CPNE5: variants seen among roughly 807,000 people sequenced by gnomAD.
CPNE5 encodes copine-5.
A neutral mutation model predicts 81.1 loss-of-function variants in CPNE5; 42 were observed. The observed-to-expected ratio is 0.52, with a 90% CI of 0.40 to 0.67. The LOEUF (loss-of-function observed/expected upper bound fraction) is 0.67. CPNE5 is among the 30% of genes least tolerant of loss of function. The pLI is 0.00. For missense variants in CPNE5, 612 were observed against 815.5 expected (o/e 0.75, Z 3.04); for synonymous variants, 313 against 321.5 (o/e 0.97, Z 0.28).
At chr6:36,838,492 C>G (rs1184201211) in intron 1 of CPNE5, among the ~76,000 whole-genome samples, 3 of 152,200 alleles carry the variant, frequency 2.0e-5, no homozygotes, top group African/African-American at 4.8e-5. Flanking sequence ...TGGGGTCGAC[C>G]CAGCTCTTAG....
At chr6:36,798,360 G>A (rs550037403) in intron 5 of CPNE5, 95 bp downstream of exon 5, 11 of 1,506,064 alleles carry the variant, frequency 7.3e-6, no homozygotes, top group African/African-American at 1.4e-5. Flanking sequence ...ACGCAGCGTC[G>A]GACACACATT....
rs201649980 is a variant in CPNE5 at position 36,762,981 on chromosome 6, A to T, written c.791T>A (p.Ile264Asn). The stretch of plus-strand genomic sequence containing the variant: ...CCGGTAACTGGTGGTGAACTCCCCA[A>T]TGAAGTCATGGCTGCAAGGGAAGAC... ...DWDRDGSHDF[I>N]GEFTTSYREL... Residue 264 changes from isoleucine to asparagine, a missense_variant, in exon 12 of 21, where the codon ATT becomes AAT. By Grantham distance (149) the Ile-to-Asn change is moderately radical (BLOSUM62 -3). Transcript: ENST00000244751. 6.2e-7 allele frequency: 1 copy of T among 1,614,160 alleles called. No individual in the cohort carries two copies. Among genetic ancestry groups the T allele is most frequent in the Non-Finnish European group, 8.5e-7 (1 of 1,180,008 alleles).
intron 3 of CPNE5, among the ~76,000 whole-genome samples, chr6:36,819,953 T>G (rs1470111040): frequency 1.3e-5 from 2 of 152,244 alleles, no homozygotes; most frequent in East Asian, 3.9e-4. Context: ...TCCAGCCAGC[T>G]CAGGCAGCCA....
chr6:36,777,275 C>T (rs1767593858), intron 9 of CPNE5, among the ~76,000 whole-genome samples: 1 of 151,904 alleles, frequency 6.6e-6, no homozygotes, highest in Non-Finnish European at 1.5e-5. Context: ...CCTGCATTTC[C>T]ACGGCACAGC....
chr6:36,839,672 GCGGGGAGAGGGGCT>G (rs1773851357), upstream of CPNE5: 3 of 369,786 alleles, frequency 8.1e-6, no homozygotes, highest in South Asian at 6.2e-5. The surrounding 1 kb of genome is among the most constrained non-coding windows in gnomAD (Gnocchi z 7.3). Context: ...AGAGAGGGGC[GCGGGGAGAGGGGCT>G]CGGGGAGAGG....
chr6:36,748,117 G>A, intron 15 of CPNE5, 104 bp downstream of exon 15: 1 of 1,021,588 alleles, frequency 9.8e-7, no homozygotes, highest in Admixed American at 1.7e-5. Flanking sequence ...TGGTGAGGAA[G>A]AGGCCAGAGA....
rs112150869 is a variant in CPNE5 at position 36,781,474 on chromosome 6, T to G, written c.529-2517A>C. ...AAATCATATGCCTAAAGTCCTAGAG[T>G]GCATAACTCAGACAGTCAGATTTCA... On this transcript the variant is annotated intron_variant, in intron 8 of 20. Coordinates refer to ENST00000244751, the MANE Select transcript of CPNE5 (RefSeq NM_020939.2). Among the ~76,000 whole-genome samples the G allele has an allele frequency of 6.5e-3, 996 of 152,266 alleles. 8 individuals carry two copies. The highest frequency in any genetic ancestry group is 0.023 in the African/African-American group (936 of 41,534).
chr6:36,743,609 G>A, intron 20 of CPNE5, 80 bp downstream of exon 20: 3 of 1,366,518 alleles, frequency 2.2e-6, no homozygotes, highest in South Asian at 2.4e-5. Flanking sequence ...CACCAGGGAA[G>A]CCCCCAAAGG....
At chr6:36,744,131 C>A in intron 19 of CPNE5, 137 bp downstream of exon 19, 1 of 764,288 alleles carries the variant, frequency 1.3e-6, no homozygotes, top group Non-Finnish European at 2.3e-6. Context: ...CCCAGACACA[C>A]ACGCCCAGGC....
intron 12 of CPNE5, among the ~76,000 whole-genome samples, chr6:36,756,622 G>A (rs995691543): frequency 1.3e-5 from 2 of 152,082 alleles, no homozygotes; most frequent in African/African-American, 2.4e-5. Flanking sequence ...GTTGCAAAGC[G>A]GCCCTATCTG....
At chr6:36,751,362 C>G (rs1344905732) in intron 14 of CPNE5, among the ~76,000 whole-genome samples, 1 of 152,254 alleles carries the variant, frequency 6.6e-6, no homozygotes, top group Non-Finnish European at 1.5e-5. Flanking sequence ...GAATGAAAGG[C>G]AGCATGTTAT....
Position 36,743,590 on chromosome 6 carries a change from T to C in CPNE5, c.1563+99A>G. 6 of 1,180,016 alleles carry C rather than the reference T, an allele frequency of 5.1e-6. 1 individual carries two copies. Among genetic ancestry groups the C allele is most frequent in the South Asian group, 2.5e-5 (2 of 78,650 alleles). 73.1% of individuals were successfully genotyped at this position (1,180,016 alleles called of 1,614,324 possible). ...TTTGGGGCTCCCAGTGCCTCCCTTC[T>C]GGGCCCTTCACCAGGGAAGCCCCCA... On this transcript the variant is annotated intron_variant, in intron 20 of 20. Coordinates refer to ENST00000244751, the MANE Select transcript of CPNE5 (RefSeq NM_020939.2).
intron 11 of CPNE5, among the ~76,000 whole-genome samples, chr6:36,764,378 C>T (rs1766356161): frequency 6.6e-6 from 1 of 151,986 alleles, no homozygotes; most frequent in Non-Finnish European, 1.5e-5. Context: ...AAGGAGAGTT[C>T]CTTGGAAGGG....
chr6:36,837,883 T>C (rs1773662904), intron 1 of CPNE5, among the ~76,000 whole-genome samples: 1 of 152,044 alleles, frequency 6.6e-6, no homozygotes, highest in African/African-American at 2.4e-5. Flanking sequence ...GCCGTGCTGC[T>C]TTTGATGGCT....
At position 36,753,163 on chromosome 6, in the gene CPNE5, A is replaced by G. The variant is rs1765030244; in HGVS notation, c.910-68T>C. ...CAGGGGAGATGGGTTATGATTCGAG[A>G]GCTGACATTGACAGAACACTCGGCA... On this transcript the variant is annotated intron_variant, in intron 13 of 20. Coordinates refer to ENST00000244751, the MANE Select transcript of CPNE5 (RefSeq NM_020939.2). 3 of 1,310,660 alleles carry G rather than the reference A, an allele frequency of 2.3e-6. No individual in the cohort carries two copies. In the African/African-American group the frequency reaches 4.3e-5, roughly 19 times the overall value. 81.2% of individuals were successfully genotyped at this position (1,310,660 alleles called of 1,614,324 possible).
intron 3 of CPNE5, among the ~76,000 whole-genome samples, chr6:36,807,537 C>T (rs1428028233): frequency 1.3e-5 from 2 of 152,182 alleles, no homozygotes; most frequent in Admixed American, 1.3e-4. Context: ...CTGTGTTCAT[C>T]TCCCAAGCCT....
At chr6:36,762,859 T>A (rs1335127998) in intron 12 of CPNE5, 58 bp downstream of exon 12, 1 of 1,368,004 alleles carries the variant, frequency 7.3e-7, no homozygotes, top group East Asian at 2.3e-5. Flanking sequence ...CTCACTACAG[T>A]CCTCAGTGAC....
intron 6 of CPNE5, among the ~76,000 whole-genome samples, chr6:36,797,553 G>A (rs985940865): frequency 7.9e-5 from 12 of 152,186 alleles, no homozygotes; most frequent in African/African-American, 2.7e-4. Context: ...GACAAGAGAG[G>A]TCACCCTCAC....
In CPNE5 at chr6:36,766,663, C is replaced by G. The variant is rs1766590510; in HGVS notation, c.738-1287G>C. On this transcript the variant is annotated intron_variant, in intron 10 of 20. Coordinates refer to ENST00000244751, the MANE Select transcript of CPNE5 (RefSeq NM_020939.2). This position sits in a 1 kb window ranked among gnomAD's most constrained non-coding sequence, Gnocchi z 4.2. ...CGGCCCTACGCTTGGACCTGGGCCC[C>G]TCACTATGGGACCTGAGATGTCACT... Among the ~76,000 whole-genome samples the G allele has an allele frequency of 6.6e-6, 1 of 152,138 alleles. No individual in the cohort carries two copies. Among genetic ancestry groups the G allele is most frequent in the Non-Finnish European group, 1.5e-5 (1 of 68,020 alleles).
Sources: gnomAD v4.1 joint callset for allele counts (sites outside exome capture counted in the v4.1 genomes callset) on GRCh38, gnomAD v4.1.1 for gene constraint, Gnocchi (gnomAD v3.1) non-coding constraint, MANE v1.5 for transcripts, NCBI Gene and HGNC (gene_info 2026-07-23, HGNC 2026-07-21) for gene names.